Variants in DCDC1 observed in about 807,000 individuals in gnomAD.
DCDC1 encodes doublecortin domain-containing protein 1.
Under a neutral mutation model 178.3 loss-of-function variants are expected in DCDC1, and 200 were observed. The ratio of observed to expected loss-of-function variants is 1.12; its 90% CI spans 1.00 to 1.26. DCDC1 has a LOEUF of 1.26. Among genes scored for constraint, DCDC1 ranks in the 50% most tolerant of loss-of-function variants. The pLI, the probability that DCDC1 is intolerant of heterozygous loss-of-function variation, is 0.00. For synonymous variants in DCDC1, 690 were observed against 604.8 expected (o/e 1.14, Z -2.07); for missense variants, 1,983 against 1,749.2 (o/e 1.13, Z -2.38).
intron 9 of DCDC1, among the ~76,000 whole-genome samples, chr11:31,151,195 C>T (rs1965132311): frequency 6.6e-6 from 1 of 152,124 alleles, no homozygotes; most frequent in South Asian, 2.1e-4. Flanking sequence ...GATTCAAATC[C>T]AGGCATGTCT....
intron 20 of DCDC1, among the ~76,000 whole-genome samples, chr11:31,031,606 C>T (rs536893748): frequency 7.2e-5 from 11 of 151,958 alleles, no homozygotes; most frequent in Middle Eastern, 3.5e-3. Context: ...TTGTATAAGA[C>T]AAATCTCTAT....
intron 3 of DCDC1, among the ~76,000 whole-genome samples, chr11:31,322,012 C>A (rs1012617910): frequency 6.6e-6 from 1 of 152,200 alleles, no homozygotes; most frequent in African/African-American, 2.4e-5. Flanking sequence ...TCTGTCAGAT[C>A]ATAGTTATTC....
chr11:31,116,707 T>A (rs1960019053), intron 11 of DCDC1, among the ~76,000 whole-genome samples: 1 of 152,082 alleles, frequency 6.6e-6, no homozygotes, highest in African/African-American at 2.4e-5. Context: ...TGCTATATAC[T>A]ATATAAGAAA....
At chr11:31,261,731 A>C (rs1944799484) in intron 8 of DCDC1, among the ~76,000 whole-genome samples, 1 of 152,132 alleles carries the variant, frequency 6.6e-6, no homozygotes, top group African/African-American at 2.4e-5. Flanking sequence ...ACCAAGGAAT[A>C]ACTGTATATG....
intron 18 of DCDC1, among the ~76,000 whole-genome samples, chr11:31,075,832 C>G (rs1956831481): frequency 1.3e-5 from 2 of 152,248 alleles, no homozygotes; most frequent in African/African-American, 4.8e-5. Context: ...CAGGTGTGAA[C>G]CACCATGCCT....
At chr11:30,930,859 A>G (rs1227933773) in intron 22 of DCDC1, among the ~76,000 whole-genome samples, 1 of 152,188 alleles carries the variant, frequency 6.6e-6, no homozygotes, top group Non-Finnish European at 1.5e-5. Flanking sequence ...TATGAAATGT[A>G]TGCGTCAAAG....
intron 9 of DCDC1, among the ~76,000 whole-genome samples, chr11:31,210,623 A>C (rs2136521464): frequency 6.6e-6 from 1 of 151,876 alleles, no homozygotes; most frequent in Middle Eastern, 3.4e-3. Context: ...AGGCAGGAGA[A>C]TCACTTGAAC....
At chr11:31,321,954 G>A (rs1458958960) in intron 3 of DCDC1, among the ~76,000 whole-genome samples, 1 of 152,160 alleles carries the variant, frequency 6.6e-6, no homozygotes, top group African/African-American at 2.4e-5. Context: ...CATGGAAAAG[G>A]CCTCACCAAA....
intron 10 of DCDC1, among the ~76,000 whole-genome samples, chr11:31,130,659 A>G (rs1416558767): frequency 2.6e-5 from 4 of 152,344 alleles, no homozygotes; most frequent in African/African-American, 9.6e-5. Context: ...ATTGCATTCT[A>G]CTAAATCCCT....
chr11:31,253,259 CAT>C (rs1944179263), intron 8 of DCDC1, among the ~76,000 whole-genome samples: 1 of 151,930 alleles, frequency 6.6e-6, no homozygotes, highest in South Asian at 2.1e-4. Flanking sequence ...GGCACTATAA[CAT>C]AGACTATTCT....
chr11:31,315,330 T>C (rs1225848420), intron 3 of DCDC1, among the ~76,000 whole-genome samples: 3 of 133,542 alleles, frequency 2.2e-5, no homozygotes, highest in African/African-American at 8.7e-5. Flanking sequence ...TTTTTTTTTT[T>C]TTTTTGAGAC....
chr11:31,140,339 A>G (rs1167021734), intron 9 of DCDC1, among the ~76,000 whole-genome samples: 2 of 152,144 alleles, frequency 1.3e-5, no homozygotes, highest in Non-Finnish European at 2.9e-5. Flanking sequence ...ATAACTGAAA[A>G]ATCAAATCCC....
At position 31,184,029 on chromosome 11, in the gene DCDC1, TC is replaced by T. The variant is rs569398707; in HGVS notation, c.1222-46246del. On this transcript the variant is annotated intron_variant, in intron 9 of 38. Transcript: ENST00000684477. ...GCTGGAGGCATCACGCTACCTGACCTCAAACTATACTACAAGGCTACAGTAA... is the reference window on the plus strand; with the variant it reads ...GCTGGAGGCATCACGCTACCTGACCTAAACTATACTACAAGGCTACAGTAA... Among the ~76,000 whole-genome samples the T allele has an allele frequency of 2.8e-4, 42 of 152,272 alleles. No homozygotes were observed. In the South Asian group the frequency reaches 8.5e-3, roughly 31 times the overall value.
At chr11:31,061,918 T>C (rs1955943028) in intron 20 of DCDC1, among the ~76,000 whole-genome samples, 1 of 152,256 alleles carries the variant, frequency 6.6e-6, no homozygotes, top group Admixed American at 6.6e-5. Context: ...CTTTTTCTAA[T>C]ACTATATTCC....
intron 13 of DCDC1, among the ~76,000 whole-genome samples, chr11:31,104,089 A>G (rs1471310451): frequency 6.6e-6 from 1 of 152,222 alleles, no homozygotes; most frequent in Admixed American, 6.5e-5. Flanking sequence ...CATGTATAAC[A>G]GTAATCCAAT....
chr11:31,079,715 C>A (rs1299211360), intron 17 of DCDC1, among the ~76,000 whole-genome samples: 2 of 151,682 alleles, frequency 1.3e-5, no homozygotes, highest in Non-Finnish European at 2.9e-5. Context: ...AATAACACAT[C>A]TAATATCAGA....
Position 31,305,879 on chromosome 11 carries a change from G to A in DCDC1, c.592-102C>T, listed in dbSNP as rs137997128. On this transcript the variant is annotated intron_variant, in intron 5 of 38. Coordinates refer to ENST00000684477, the MANE Select transcript of DCDC1 (RefSeq NM_001387274.1). ...TAATGATCAAAATAGAAACCCAATTGAGTCACTTGCCAATACAGTTATTTT... is the reference window on the plus strand; with the variant it reads ...TAATGATCAAAATAGAAACCCAATTAAGTCACTTGCCAATACAGTTATTTT... 2.6e-5 allele frequency: 35 copies of A among 1,336,942 alleles called. No homozygotes were observed. The African/African-American group carries it at 3.7e-4, about 14-fold the overall frequency. The allele number at this position is 1,336,942 out of a possible 1,614,324, so 82.8% of individuals were successfully genotyped here.
At chr11:30,951,616 A>G (rs549341821) in intron 21 of DCDC1, among the ~76,000 whole-genome samples, 1 of 152,282 alleles carries the variant, frequency 6.6e-6, no homozygotes, top group Admixed American at 6.5e-5. Context: ...AATAGCATAT[A>G]AGTCACAAAT....
At chr11:31,180,116 T>C (rs1968584478) in intron 9 of DCDC1, among the ~76,000 whole-genome samples, 1 of 152,060 alleles carries the variant, frequency 6.6e-6, no homozygotes, top group African/African-American at 2.4e-5. Flanking sequence ...ACTTAGACAC[T>C]GAAGGAACAT....
Sources: allele counts gnomAD v4.1 joint callset (sites outside exome capture counted in the v4.1 genomes callset), GRCh38; gene constraint gnomAD v4.1.1; transcripts MANE v1.5; gene names NCBI Gene and HGNC (gene_info 2026-07-23, HGNC 2026-07-21).